Variants in DNM3 observed in about 807,000 individuals in gnomAD.
DNM3 encodes dynamin-3.
Under a neutral mutation model 101.6 loss-of-function variants are expected in DNM3, and 47 were observed. The observed-to-expected ratio is 0.46, with a 90% CI of 0.37 to 0.59. DNM3 has a LOEUF of 0.59. Among genes scored for constraint, DNM3 ranks in the 20% least tolerant of loss-of-function variants. The pLI, the probability that DNM3 is intolerant of heterozygous loss-of-function variation, is 0.00. For missense variants in DNM3, 849 were observed against 1,085.7 expected (o/e 0.78, Z 3.06); for synonymous variants, 385 against 387.9 (o/e 0.99, Z 0.09).
At chr1:171,873,696 C>G (rs1558194713) in intron 1 of DNM3, among the ~76,000 whole-genome samples, 1 of 152,172 alleles carries the variant, frequency 6.6e-6, no homozygotes. Flanking sequence ...GTAAAAATGC[C>G]TGATGTTCTT....
chr1:172,386,867 G>T, intron 18 of DNM3: 1 of 411,222 alleles, frequency 2.4e-6, no homozygotes, highest in South Asian at 2.6e-5. Flanking sequence ...CTGTTCTGGT[G>T]ATGGCTGGGT....
intron 17 of DNM3, among the ~76,000 whole-genome samples, chr1:172,352,010 A>C (rs1356886387): frequency 1.3e-5 from 2 of 152,198 alleles, no homozygotes; most frequent in Admixed American, 6.5e-5. Context: ...ATCATGATCC[A>C]CTGGTGGATT....
chr1:172,326,516 T>C (rs2065943138), intron 17 of DNM3, among the ~76,000 whole-genome samples: 2 of 152,184 alleles, frequency 1.3e-5, no homozygotes, highest in South Asian at 4.1e-4. Context: ...AATCAGAATG[T>C]TATTTTCAGA....
chr1:171,944,606 C>A (rs1023066101), intron 2 of DNM3, among the ~76,000 whole-genome samples: 1 of 151,890 alleles, frequency 6.6e-6, no homozygotes, highest in African/African-American at 2.4e-5. Flanking sequence ...AACTCCTGAG[C>A]TCAGCGATCC....
intron 14 of DNM3, chr1:172,137,032 A>G (rs2057273989): frequency 6.6e-6 from 1 of 152,158 alleles, no homozygotes; most frequent in Admixed American, 6.5e-5. Context: ...CTGCCGTCCT[A>G]GCTTTCCCTT....
intron 12 of DNM3, among the ~76,000 whole-genome samples, chr1:172,089,474 T>A (rs1191066963): frequency 6.6e-6 from 1 of 152,216 alleles, no homozygotes; most frequent in African/African-American, 2.4e-5. Flanking sequence ...TAAATAAATG[T>A]TTTGAAATAC....
intron 4 of DNM3, among the ~76,000 whole-genome samples, chr1:172,028,799 G>A (rs2048390054): frequency 6.6e-6 from 1 of 151,984 alleles, no homozygotes. Context: ...AAATAAACTA[G>A]GAAATCTACA....
intron 14 of DNM3, among the ~76,000 whole-genome samples, chr1:172,219,377 C>CAAAAAAAAAAAAAA (rs58783160): frequency 1.8e-5 from 1 of 56,296 alleles, no homozygotes; most frequent in Non-Finnish European, 3.1e-5. Flanking sequence ...TACCCTGTCT[C>CAAAAAAAAAAAAAA]AAAAAAAAAA....
chr1:172,268,274 TA>T (rs369755878), intron 15 of DNM3, among the ~76,000 whole-genome samples: 11,757 of 136,592 alleles, frequency 0.086, 1,371 homozygotes, highest in African/African-American at 0.28. Context: ...AGCAAGTCAG[TA>T]AAAAAAAAAA....
At chr1:172,063,556 G>T (rs1175554192) in intron 10 of DNM3, among the ~76,000 whole-genome samples, 2 of 151,682 alleles carry the variant, frequency 1.3e-5, no homozygotes, top group East Asian at 3.9e-4. Context: ...AATATTGAAG[G>T]TTTTGATTCC....
At chr1:172,392,556 A>G (rs1249782218) in intron 20 of DNM3, among the ~76,000 whole-genome samples, 1 of 152,224 alleles carries the variant, frequency 6.6e-6, no homozygotes, top group Non-Finnish European at 1.5e-5. Context: ...TTTCAGATAT[A>G]GCTTCTTAAA....
intron 1 of DNM3, among the ~76,000 whole-genome samples, chr1:171,852,855 G>C (rs538102377): frequency 1.8e-4 from 28 of 152,292 alleles, no homozygotes; most frequent in African/African-American, 6.7e-4. Flanking sequence ...AGTCAGGAGA[G>C]GGGTTGAACA....
chr1:172,059,478 A>G (rs1305623588), intron 10 of DNM3, among the ~76,000 whole-genome samples: 2 of 106,502 alleles, frequency 1.9e-5, no homozygotes, highest in African/African-American at 8.1e-5. Context: ...CCAGCAGCAC[A>G]TCAAAAAGCT....
At chr1:172,351,457 A>T (rs532002825) in intron 17 of DNM3, among the ~76,000 whole-genome samples, 2 of 152,192 alleles carry the variant, frequency 1.3e-5, no homozygotes, top group Non-Finnish European at 2.9e-5. Flanking sequence ...AAGCAGCCAC[A>T]TGGTCTGTTG....
chr1:172,356,838 A>T (rs1219909741), intron 17 of DNM3, among the ~76,000 whole-genome samples: 2 of 152,162 alleles, frequency 1.3e-5, no homozygotes, highest in Admixed American at 1.3e-4. Flanking sequence ...ATCCTTGGAG[A>T]AATTCCAGGA....
At chr1:172,375,843 T>TA (rs10691234) in intron 17 of DNM3, among the ~76,000 whole-genome samples, 117,519 of 141,228 alleles carry the variant, frequency 0.83, 49,109 homozygotes, top group East Asian at 0.93. Context: ...ACCCCATCTC[T>TA]AAAAAAAAAA....
chr1:172,029,703 CA>C (rs1298722513), intron 4 of DNM3, among the ~76,000 whole-genome samples: 1 of 152,176 alleles, frequency 6.6e-6, no homozygotes, highest in Non-Finnish European at 1.5e-5. Context: ...GCAACTTCAG[CA>C]AAGTCTCAGG....
chr1:172,232,343 C>T (rs1330184137), intron 14 of DNM3, among the ~76,000 whole-genome samples: 1 of 152,102 alleles, frequency 6.6e-6, no homozygotes, highest in Non-Finnish European at 1.5e-5. Flanking sequence ...GCTAACTATC[C>T]TAAATATATG....
At chr1:172,036,986 T>C (rs2049017176) in intron 6 of DNM3, among the ~76,000 whole-genome samples, 1 of 152,026 alleles carries the variant, frequency 6.6e-6, no homozygotes, top group Admixed American at 6.6e-5. Context: ...GCAAAGGACA[T>C]GAACAGACAC....
Sources: allele counts gnomAD v4.1 joint callset (sites outside exome capture counted in the v4.1 genomes callset), GRCh38; gene constraint gnomAD v4.1.1; transcripts MANE v1.5; gene names NCBI Gene and HGNC (gene_info 2026-07-23, HGNC 2026-07-21).